The following NTN1 variants were observed in gnomAD, a reference collection of about 807,000 sequenced individuals.
The protein encoded by NTN1 is netrin-1.
In NTN1, 11 loss-of-function variants were observed where a neutral mutation model predicts 54.2. That is an observed-to-expected ratio of 0.20 (90% CI 0.13 to 0.34). The LOEUF is 0.34. NTN1 is among the 10% of genes least tolerant of loss of function. The pLI is 1.00. For synonymous variants in NTN1, 371 were observed against 382.0 expected (o/e 0.97, Z 0.33); for missense variants, 740 against 893.1 (o/e 0.83, Z 2.18).
chr17:9,157,770 G>A (rs2092347167), intron 2 of NTN1, among the ~76,000 whole-genome samples: 1 of 152,238 alleles, frequency 6.6e-6, no homozygotes, highest in South Asian at 2.1e-4. Context: ...TGCCCCTGCT[G>A]GTCCCTCAAG....
At chr17:9,022,143 G>A (rs887020640) in intron 1 of NTN1, among the ~76,000 whole-genome samples, 168 bp from the exon 2 acceptor site, 1 of 152,188 alleles carries the variant, frequency 6.6e-6, no homozygotes, top group African/African-American at 2.4e-5. Flanking sequence ...CGGACTTGGA[G>A]GGCCCCGGCT....
rs186224465 is a variant in NTN1 at position 9,106,372 on chromosome 17, G to A, written c.1019-56441G>A. Reference sequence around the variant, plus strand: ...AAGTGTGAAGCTGTAGGCCTGCCTCGGAGTTAGCACACGGAACGGAATATC... The same window carrying A: ...AAGTGTGAAGCTGTAGGCCTGCCTCAGAGTTAGCACACGGAACGGAATATC... On this transcript the variant is annotated intron_variant, in intron 2 of 6. Coordinates refer to ENST00000173229, the MANE Select transcript of NTN1 (RefSeq NM_004822.3). Among the ~76,000 whole-genome samples the A allele has an allele frequency of 4.1e-4, 62 of 152,278 alleles. 1 individual carries two copies. The highest frequency in any genetic ancestry group is 1.1e-3 in the African/African-American group (46 of 41,566).
chr17:9,224,017 G>A (rs1184334578), intron 6 of NTN1, among the ~76,000 whole-genome samples: 1 of 152,206 alleles, frequency 6.6e-6, no homozygotes, highest in Non-Finnish European at 1.5e-5. Flanking sequence ...GCAGCTGGGA[G>A]CAAGGAGGAA....
chr17:9,063,786 G>A (rs1048856081), intron 2 of NTN1, among the ~76,000 whole-genome samples: 6 of 151,026 alleles, frequency 4.0e-5, no homozygotes, highest in Non-Finnish European at 3.0e-5. Flanking sequence ...CTGACCTCGT[G>A]ATCCGCCCGC....
chr17:9,091,155 C>A (rs536006970), intron 2 of NTN1, among the ~76,000 whole-genome samples: 1 of 152,292 alleles, frequency 6.6e-6, no homozygotes, highest in South Asian at 2.1e-4. Flanking sequence ...GACTTTTCCT[C>A]CCCCAAACTT....
At chr17:9,039,816 T>C (rs566596312) in intron 2 of NTN1, among the ~76,000 whole-genome samples, 6 of 152,246 alleles carry the variant, frequency 3.9e-5, no homozygotes, top group Admixed American at 6.5e-5. Context: ...TTAAGTGCAT[T>C]AATAGTTCAA....
At chr17:9,173,511 T>C (rs922596599) in intron 3 of NTN1, 1 of 152,382 alleles carries the variant, frequency 6.6e-6, no homozygotes, top group African/African-American at 2.4e-5. Context: ...GCTGCTGCAG[T>C]CGACCTCCCT....
chr17:9,098,929 G>A (rs1366460635), intron 2 of NTN1, among the ~76,000 whole-genome samples: 1 of 152,116 alleles, frequency 6.6e-6, no homozygotes, highest in African/African-American at 2.4e-5. Flanking sequence ...TCCTTCTAGG[G>A]AACACACTGG....
chr17:9,127,697 G>T (rs911162204), intron 2 of NTN1, among the ~76,000 whole-genome samples: 1 of 152,164 alleles, frequency 6.6e-6, no homozygotes, highest in African/African-American at 2.4e-5. Flanking sequence ...TCAGACGGGG[G>T]AACTAGAAAG....
chr17:9,068,799 C>T (rs756788853), intron 2 of NTN1, among the ~76,000 whole-genome samples: 9 of 152,110 alleles, frequency 5.9e-5, no homozygotes, highest in South Asian at 2.1e-4. Flanking sequence ...TAAGCCACCG[C>T]GCCTGGCCCG....
chr17:9,209,694 C>T (rs1216439219), intron 5 of NTN1, among the ~76,000 whole-genome samples: 1 of 152,182 alleles, frequency 6.6e-6, no homozygotes, highest in East Asian at 1.9e-4. Flanking sequence ...AGCGAAGCCC[C>T]GAGGACCCCA....
At chr17:9,146,899 G>A (rs2092315143) in intron 2 of NTN1, among the ~76,000 whole-genome samples, 2 of 152,080 alleles carry the variant, frequency 1.3e-5, no homozygotes, top group Non-Finnish European at 2.9e-5. Context: ...TCAGTAGCTG[G>A]TGCTTCTGGG....
chr17:9,075,165 C>A (rs563308637), intron 2 of NTN1, among the ~76,000 whole-genome samples: 25 of 152,286 alleles, frequency 1.6e-4, no homozygotes, highest in Admixed American at 1.6e-3. Context: ...AAATGACCTC[C>A]TCTCCCGGTT....
Position 9,243,360 on chromosome 17 carries a change from C to G in NTN1, c.*3392C>G, listed in dbSNP as rs530265193. On this transcript the variant is annotated 3_prime_UTR_variant, in exon 7 of 7. Transcript: ENST00000173229. ...AGTCGCGGCATGCTGGAGAGGGGTACGGACTTACTTTCTTGGAGTTGTCCC... is the reference window on the plus strand; with the variant it reads ...AGTCGCGGCATGCTGGAGAGGGGTAGGGACTTACTTTCTTGGAGTTGTCCC... The G allele has an allele frequency of 6.7e-6, 1 of 150,076 alleles. No homozygotes were observed. Among genetic ancestry groups the G allele is most frequent in the South Asian group, 2.1e-4 (1 of 4,824 alleles). 9.3% of individuals were successfully genotyped at this position (150,076 alleles called of 1,614,324 possible). A position where few individuals can be genotyped will look rare whatever the true frequency, so the allele number is the denominator to read the frequency against.
intron 5 of NTN1, among the ~76,000 whole-genome samples, chr17:9,198,307 C>T (rs1190855505): frequency 6.6e-6 from 1 of 152,234 alleles, no homozygotes; most frequent in Non-Finnish European, 1.5e-5. Context: ...GGCAGTGATA[C>T]CTGCCCAAGT....
intron 4 of NTN1, among the ~76,000 whole-genome samples, 173 bp downstream of exon 4, chr17:9,180,129 C>T (rs2092414384): frequency 6.6e-6 from 1 of 152,224 alleles, no homozygotes; most frequent in Non-Finnish European, 1.5e-5. Flanking sequence ...ACCTCTGCCT[C>T]CCAGGTTTAA....
At chr17:9,125,285 G>A (rs2092243342) in intron 2 of NTN1, among the ~76,000 whole-genome samples, 1 of 151,746 alleles carries the variant, frequency 6.6e-6, no homozygotes, top group East Asian at 1.9e-4. Flanking sequence ...GGAGTGCAGT[G>A]GCACAATCTA....
chr17:9,164,418 C>G (rs1190244314), intron 3 of NTN1, among the ~76,000 whole-genome samples: 3 of 148,300 alleles, frequency 2.0e-5, no homozygotes, highest in Admixed American at 6.7e-5. Context: ...GAGCGAAACA[C>G]TGTCTCGAAA....
At chr17:9,039,466 G>A (rs983681457) in intron 2 of NTN1, among the ~76,000 whole-genome samples, 1 of 152,084 alleles carries the variant, frequency 6.6e-6, no homozygotes, top group African/African-American at 2.4e-5. Context: ...TTGTACTTAT[G>A]TGTTTCTCTT....
Sources: allele counts gnomAD v4.1 joint callset (sites outside exome capture counted in the v4.1 genomes callset), GRCh38; gene constraint gnomAD v4.1.1; transcripts MANE v1.5; gene names NCBI Gene and HGNC (gene_info 2026-07-23, HGNC 2026-07-21).